NUDT5: variants seen among roughly 807,000 people sequenced by gnomAD.
NUDT5 encodes the protein nudix hydrolase 5.
In NUDT5, 21 loss-of-function variants were observed where a neutral mutation model predicts 34.1. The ratio of observed to expected loss-of-function variants is 0.62; its 90% confidence interval spans 0.44 to 0.89. The LOEUF (loss-of-function observed/expected upper bound fraction) is 0.89. Ranked by LOEUF, NUDT5 falls within the 40% of genes least tolerant of loss-of-function variation. The pLI is 0.00. For synonymous variants in NUDT5, 85 were observed against 97.6 expected (o/e 0.87, Z 0.76); for missense variants, 249 against 274.8 (o/e 0.91, Z 0.66).
chr10:12,190,136 G>T (rs557977959), intron 1 of NUDT5, among the ~76,000 whole-genome samples: 1 of 152,122 alleles, frequency 6.6e-6, no homozygotes, highest in East Asian at 1.9e-4. Context: ...TGATCCACCC[G>T]CCTCGGCCTG....
At chr10:12,189,474 T>G (rs1835186013) in intron 1 of NUDT5, among the ~76,000 whole-genome samples, 1 of 152,202 alleles carries the variant, frequency 6.6e-6, no homozygotes, top group Non-Finnish European at 1.5e-5. Flanking sequence ...AGCAATCCAC[T>G]GATTCCGTGA....
chr10:12,186,160 A>T (rs1835123560), intron 2 of NUDT5, 69 bp downstream of exon 2: 1 of 1,131,904 alleles, frequency 8.8e-7, no homozygotes, highest in African/African-American at 1.5e-5. Context: ...TTGTAACAAC[A>T]GTCTATATAT....
chr10:12,179,364 T>C (rs1835009611), intron 3 of NUDT5, among the ~76,000 whole-genome samples: 1 of 152,188 alleles, frequency 6.6e-6, no homozygotes, highest in African/African-American at 2.4e-5. Flanking sequence ...ACCTTCTGGG[T>C]GCCCCCGAAA....
rs113029980 is a variant in NUDT5, at chr10:12,172,355, G to C, written c.487+410C>G. 8.3e-4 allele frequency: 162 copies of C among 195,450 alleles called. 2 individuals carry two copies. In the South Asian group the frequency reaches 0.012, roughly 14 times the overall value. The allele number at this position is 195,450 out of a possible 1,614,324, so 12.1% of individuals were successfully genotyped here. Reference sequence around the variant, plus strand: ...ACCATCATAGCTCCTCCAACTCCTGGGCTTAAGTGATCCTCCTGCCTCACC... The same window carrying C: ...ACCATCATAGCTCCTCCAACTCCTGCGCTTAAGTGATCCTCCTGCCTCACC... On this transcript the variant is annotated intron_variant, in intron 7 of 9. Transcript: ENST00000491614.
At position 12,171,636 on chromosome 10, in the gene NUDT5, CTT is replaced by C. The variant is rs1327822385; in HGVS notation, c.488-730_488-729del. Reference sequence around the variant, plus strand: ...TCTAATATGCTGAGGAACTGCCAAACTTTTCCACAGTGTCTCATATGTATATG... The same window carrying C: ...TCTAATATGCTGAGGAACTGCCAAACTTCCACAGTGTCTCATATGTATATG... On this transcript the variant is annotated intron_variant, in intron 7 of 9. Transcript: ENST00000491614. This position sits in a 1 kb window ranked among gnomAD's most constrained non-coding sequence, Gnocchi z 4.2. Among the ~76,000 whole-genome samples the C allele has an allele frequency of 6.6e-6, 1 of 152,038 alleles. No homozygotes were observed. The highest frequency in any genetic ancestry group is 2.4e-5 in the African/African-American group (1 of 41,388).
chr10:12,174,265 CTTT>C (rs199714426), intron 5 of NUDT5, among the ~76,000 whole-genome samples: 4 of 135,674 alleles, frequency 2.9e-5, no homozygotes, highest in Non-Finnish European at 3.2e-5. Context: ...GATTGGAACT[CTTT>C]TTTTTTTTTT....
chr10:12,169,115 T>G lies in NUDT5; in HGVS notation c.551-1304A>C, dbSNP rs935783477. 3 of 556,310 alleles carry G rather than the reference T, an allele frequency of 5.4e-6. No homozygotes were observed. Among genetic ancestry groups the G allele is most frequent in the Non-Finnish European group, 9.6e-6 (3 of 311,736 alleles). 34.5% of individuals were successfully genotyped at this position (556,310 alleles called of 1,614,324 possible). On this transcript the variant is annotated intron_variant, in intron 9 of 9. Coordinates refer to ENST00000491614, the MANE Select transcript of NUDT5 (RefSeq NM_014142.4). The surrounding 1 kb of genome is among the most constrained non-coding windows in gnomAD (Gnocchi z 4.8). ...TTCCTTCCGACTTCTCAAATGTTGC[T>G]GGTTGAATAAACGGTTTGATTACTG...
chr10:12,171,147 G>A lies in NUDT5; in HGVS notation c.488-239C>T, dbSNP rs1037565770. Among the ~76,000 whole-genome samples, 1 of 152,166 alleles carries A rather than the reference G, an allele frequency of 6.6e-6. No individual in the cohort carries two copies. Among genetic ancestry groups the A allele is most frequent in the African/African-American group, 2.4e-5 (1 of 41,434 alleles). On this transcript the variant is annotated intron_variant, in intron 7 of 9. Coordinates refer to ENST00000491614, the MANE Select transcript of NUDT5 (RefSeq NM_014142.4). The surrounding 1 kb of genome is among the most constrained non-coding windows in gnomAD (Gnocchi z 4.2). ...TGTATATTTTTATAGATATGAATCTGCGTATTATGTAAAATATACAGAACA... is the reference window on the plus strand; with the variant it reads ...TGTATATTTTTATAGATATGAATCTACGTATTATGTAAAATATACAGAACA...
In NUDT5 at chr10:12,187,093, C is replaced by T. The variant is rs578086353; in HGVS notation, c.-41-761G>A. Among the ~76,000 whole-genome samples the T allele has an allele frequency of 7.2e-5, 11 of 152,226 alleles. No individual in the cohort carries two copies. The South Asian group carries it at 1.2e-3, about 17-fold the overall frequency. On this transcript the variant is annotated intron_variant, in intron 1 of 9. Transcript: ENST00000491614. The surrounding 1 kb of genome is among the most constrained non-coding windows in gnomAD (Gnocchi z 5.4). ...TGTTGCACAGGTTGGAGTGCAGTGG[C>T]GAAATCATGGCTCACTGTAGCCTCT...
At chr10:12,167,990 A>G in intron 9 of NUDT5, 179 bp from the exon 10 acceptor site, 11 of 1,191,920 alleles carry the variant, frequency 9.2e-6, no homozygotes, top group Non-Finnish European at 1.2e-5. Context: ...AGGCAAGATT[A>G]CATTCCTAGC....
At chr10:12,184,421 T>C in intron 3 of NUDT5, 2 of 1,349,568 alleles carry the variant, frequency 1.5e-6, no homozygotes, top group Non-Finnish European at 2.0e-6. Context: ...TTAGGGCTAC[T>C]GACACATATT....
rs750390754 is a variant in NUDT5, at chr10:12,182,438, C to T, written c.131+2451G>A. 5.9e-5 allele frequency among the ~76,000 whole-genome samples: 9 copies of T among 152,148 alleles called. No homozygotes were observed. Among genetic ancestry groups the T allele is most frequent in the Non-Finnish European group, 8.8e-5 (6 of 68,032 alleles). On this transcript the variant is annotated intron_variant, in intron 3 of 9. Transcript: ENST00000491614. This position sits in a 1 kb window ranked among gnomAD's most constrained non-coding sequence, Gnocchi z 4.3. The stretch of plus-strand genomic sequence containing the variant: ...TGGCATACAGGAAAGTACAAAGACT[C>T]ATTCTTCAAAGGGTGACATTCTGGT...
chr10:12,184,985 A>C, intron 2 of NUDT5, 29 bp from the exon 3 acceptor site: 3 of 1,208,018 alleles, frequency 2.5e-6, no homozygotes, highest in Non-Finnish European at 3.6e-6. Context: ...ATAAGTTGGG[A>C]AACTTTCAAA....
chr10:12,189,264 C>T (rs1185138192), intron 1 of NUDT5, among the ~76,000 whole-genome samples: 1 of 152,110 alleles, frequency 6.6e-6, no homozygotes, highest in Non-Finnish European at 1.5e-5. Context: ...TACCACTGCA[C>T]CCGGCTAATT....
chr10:12,186,248 T>C lies in NUDT5; in HGVS notation c.44A>G (p.Gln15Arg). ...EPTESSQNGK[Q>R]YIISEELISE... ...TTATACCTCCTCTGAAATGATATAC[T>C]GTTTGCCATTCTGAGAAGATTCCGT... The change falls in exon 2 of 10, where the codon CAG (glutamine) becomes CGG (arginine). Residue 15 changes from glutamine to arginine, a missense_variant. By Grantham distance (43) the Gln-to-Arg change is conservative. Transcript: ENST00000491614. The C allele has an allele frequency of 1.9e-6, 3 of 1,613,760 alleles. No homozygotes were observed. The African/African-American group carries it at 4.0e-5, about 21-fold the overall frequency.
intron 1 of NUDT5, 140 bp from the exon 2 acceptor site, chr10:12,186,472 G>A: frequency 1.7e-6 from 1 of 600,344 alleles, no homozygotes; most frequent in Admixed American, 3.0e-5. Flanking sequence ...TGAGGGAACT[G>A]CCGCAGGTGG....
At position 12,170,787 on chromosome 10, in the gene NUDT5, C is replaced by G; in HGVS notation, c.497-17G>C. 2 of 1,613,948 alleles carry G rather than the reference C, an allele frequency of 1.2e-6. No homozygotes were observed. Among genetic ancestry groups the G allele is most frequent in the Non-Finnish European group, 1.7e-6 (2 of 1,179,866 alleles). ...CCACAAACTCTAAACAGACAAAGTG[C>G]AAGTGAAAACAAAGCTAACGTCAAG... On this transcript the variant is annotated splice_polypyrimidine_tract_variant and intron_variant, in intron 8 of 9. Coordinates refer to ENST00000491614, the MANE Select transcript of NUDT5 (RefSeq NM_014142.4). This position sits in a 1 kb window ranked among gnomAD's most constrained non-coding sequence, Gnocchi z 4.9.
At chr10:12,194,221 A>G (rs1283017983) in intron 1 of NUDT5, among the ~76,000 whole-genome samples, 2 of 152,270 alleles carry the variant, frequency 1.3e-5, no homozygotes, top group African/African-American at 2.4e-5. Flanking sequence ...TCCTCGCAGA[A>G]GGGCTATGTT....
rs10906093 is a variant in NUDT5 at position 12,168,176 on chromosome 10, C to T, written c.551-365G>A. On this transcript the variant is annotated intron_variant, in intron 9 of 9. Transcript: ENST00000491614. This position sits in a 1 kb window ranked among gnomAD's most constrained non-coding sequence, Gnocchi z 4.8. Reference sequence around the variant, plus strand: ...AGTAGCTGGGACTATAGGCGCACGCCACCACGCCCAGCTAATTTTTGTATT... The same window carrying T: ...AGTAGCTGGGACTATAGGCGCACGCTACCACGCCCAGCTAATTTTTGTATT... Among the ~76,000 whole-genome samples the T allele has an allele frequency of 0.4, 60,642 of 151,914 alleles. 13,312 individuals carry two copies. Among genetic ancestry groups the T allele is most frequent in the South Asian group, 0.55 (2,632 of 4,810 alleles).
Sources: gnomAD v4.1 joint callset for allele counts (sites outside exome capture counted in the v4.1 genomes callset) on GRCh38, gnomAD v4.1.1 for gene constraint, Gnocchi (gnomAD v3.1) non-coding constraint, MANE v1.5 for transcripts, NCBI Gene and HGNC (gene_info 2026-07-23, HGNC 2026-07-21) for gene names.